Variants in NEK10 observed in about 807,000 individuals in gnomAD.
NEK10 encodes serine/threonine-protein kinase Nek10.
A neutral mutation model predicts 159.8 loss-of-function variants in NEK10; 122 were observed. The observed-to-expected ratio is 0.76, with a 90% CI of 0.66 to 0.89. NEK10 has a LOEUF of 0.89. NEK10 is among the 40% of genes least tolerant of loss of function. The pLI is 0.00. For missense variants in NEK10, 1,342 were observed against 1,323.1 expected, an observed-to-expected ratio of 1.01 and a Z score of -0.22; for synonymous variants, 466 against 457.1, an observed-to-expected ratio of 1.02 and a Z score of -0.25.
chr3:27,230,124 C>T (rs1466673036), intron 23 of NEK10, among the ~76,000 whole-genome samples: 1 of 151,996 alleles, frequency 6.6e-6, no homozygotes, highest in Non-Finnish European at 1.5e-5. Context: ...AAGACAAAAG[C>T]ATCAGGTGAC....
At chr3:27,265,841 C>T (rs2040845621) in intron 22 of NEK10, among the ~76,000 whole-genome samples, 1 of 138,422 alleles carries the variant, frequency 7.2e-6, no homozygotes, top group Non-Finnish European at 1.5e-5. Context: ...GAGTCTCACT[C>T]TGTCATCCAG....
chr3:27,288,214 G>T (rs1300664830), intron 19 of NEK10, among the ~76,000 whole-genome samples: 1 of 152,104 alleles, frequency 6.6e-6, no homozygotes, highest in African/African-American at 2.4e-5. Context: ...GTCTTTCTAT[G>T]CTCTCCAAAA....
intron 25 of NEK10, among the ~76,000 whole-genome samples, chr3:27,195,789 C>G (rs1384412011): frequency 6.6e-6 from 1 of 152,194 alleles, no homozygotes; most frequent in African/African-American, 2.4e-5. Context: ...TCTGTAATCT[C>G]TCATTGCCCC....
intron 33 of NEK10, among the ~76,000 whole-genome samples, chr3:27,119,123 AG>A (rs1940926412): frequency 6.6e-6 from 1 of 152,216 alleles, no homozygotes. Flanking sequence ...ACTAATAGAC[AG>A]GCAGTTTTTA....
intron 24 of NEK10, among the ~76,000 whole-genome samples, chr3:27,201,938 T>G (rs1410276549): frequency 6.6e-6 from 1 of 151,868 alleles, no homozygotes; most frequent in African/African-American, 2.4e-5. Flanking sequence ...GTGGGTGGAT[T>G]ACCTGAGGTC....
chr3:27,288,888 T>C (rs2042804266), intron 19 of NEK10, among the ~76,000 whole-genome samples: 1 of 152,196 alleles, frequency 6.6e-6, no homozygotes, highest in African/African-American at 2.4e-5. Context: ...AAAAACCTGC[T>C]GTCCCATTGC....
In NEK10 at chr3:27,291,334, A is replaced by G; in HGVS notation, c.1533T>C (p.Ala511=). ...CATAGTTGCCTATATATTTCAAAGGAGCTTTGTTCTGATTAATGCTTTCAA... is the reference window on the plus strand; with the variant it reads ...CATAGTTGCCTATATATTTCAAAGGGGCTTTGTTCTGATTAATGCTTTCAA... The part of the protein sequence containing the change: ...ENIESINQNK[A]PLKYIGNYAI... Residue 511 remains alanine (A), a synonymous_variant, in exon 18 of 36, where the codon GCT becomes GCC. Transcript: ENST00000691995. 6.2e-7 allele frequency: 1 copy of G among 1,613,026 alleles called. No homozygotes were observed. Among genetic ancestry groups the G allele is most frequent in the South Asian group, 1.1e-5 (1 of 90,962 alleles).
chr3:27,167,166 T>TA (rs1272754017), intron 29 of NEK10, among the ~76,000 whole-genome samples: 439 of 144,270 alleles, frequency 3.0e-3, no homozygotes, highest in Non-Finnish European at 2.0e-3. Flanking sequence ...CAGGATCCTT[T>TA]AAAAAAAAAA....
At chr3:27,304,394 C>T (rs972189309) in intron 12 of NEK10, among the ~76,000 whole-genome samples, 1 of 152,116 alleles carries the variant, frequency 6.6e-6, no homozygotes, top group African/African-American at 2.4e-5. Flanking sequence ...AATGCATATA[C>T]TAATTCAAGG....
intron 1 of NEK10, among the ~76,000 whole-genome samples, chr3:27,359,344 C>T (rs1050590225): frequency 1.3e-5 from 2 of 152,106 alleles, no homozygotes; most frequent in Admixed American, 1.3e-4. Flanking sequence ...ATGAACCCTA[C>T]CACAAAAGGA....
chr3:27,352,572 G>A (rs2048048108), intron 2 of NEK10, 47 bp from the exon 3 acceptor site: 3 of 1,390,418 alleles, frequency 2.2e-6, no homozygotes, highest in Non-Finnish European at 3.1e-6. Flanking sequence ...GGCTCCAGGT[G>A]AACAAGATCG....
intron 9 of NEK10, 121 bp from the exon 10 acceptor site, chr3:27,309,126 G>T: frequency 5.8e-5 from 29 of 497,096 alleles, no homozygotes; most frequent in Middle Eastern, 6.0e-4. Flanking sequence ...TCCCTCTTAA[G>T]ATCATATAGG....
At chr3:27,127,261 G>T (rs1942074075) in intron 32 of NEK10, among the ~76,000 whole-genome samples, 1 of 152,010 alleles carries the variant, frequency 6.6e-6, no homozygotes, top group East Asian at 1.9e-4. Flanking sequence ...AAAAGAGATG[G>T]ATTTCTTTTT....
At chr3:27,356,583 A>G (rs1028656360) in intron 1 of NEK10, among the ~76,000 whole-genome samples, 2 of 152,166 alleles carry the variant, frequency 1.3e-5, no homozygotes, top group Admixed American at 1.3e-4. Context: ...GACTAAGACC[A>G]TTTGTGCCCA....
At chr3:27,281,245 A>C (rs184995275) in intron 22 of NEK10, among the ~76,000 whole-genome samples, 109 of 152,174 alleles carry the variant, frequency 7.2e-4, no homozygotes, top group Non-Finnish European at 4.4e-5. Flanking sequence ...AGATTCTAAA[A>C]ATGAAAACAG....
intron 23 of NEK10, chr3:27,214,849 G>C: frequency 8.2e-7 from 1 of 1,226,006 alleles, no homozygotes; most frequent in East Asian, 2.3e-5. Flanking sequence ...TGGAAATCAT[G>C]TGACAGTTGG....
intron 6 of NEK10, among the ~76,000 whole-genome samples, chr3:27,316,783 G>C (rs1443449025): frequency 2.7e-4 from 1 of 3,656 alleles, no homozygotes; most frequent in East Asian, 0.014. Context: ...ACCAAAAAAA[G>C]AAAAAAGAAA....
At chr3:27,123,112 G>A (rs969842071) in intron 32 of NEK10, among the ~76,000 whole-genome samples, 3 of 152,140 alleles carry the variant, frequency 2.0e-5, no homozygotes, top group African/African-American at 7.2e-5. Flanking sequence ...AGTGTATGTT[G>A]GACAGCATGG....
chr3:27,288,876 C>T (rs1042946412), intron 19 of NEK10, among the ~76,000 whole-genome samples: 2 of 152,168 alleles, frequency 1.3e-5, no homozygotes, highest in African/African-American at 4.8e-5. Context: ...TAGCTGTCCA[C>T]CAAAAACCTG....
Sources: gnomAD v4.1 joint callset for allele counts (sites outside exome capture counted in the v4.1 genomes callset) on GRCh38, gnomAD v4.1.1 for gene constraint, MANE v1.5 for transcripts, NCBI Gene and HGNC (gene_info 2026-07-23, HGNC 2026-07-21) for gene names.